Variants in UBE2H observed in about 807,000 individuals in gnomAD.
The protein encoded by UBE2H is ubiquitin-conjugating enzyme E2 H.
Under a neutral mutation model 29.0 loss-of-function variants are expected in UBE2H, and 3 were observed. The observed-to-expected ratio is 0.10, with a 90% confidence interval of 0.05 to 0.27. UBE2H has a LOEUF of 0.27. Among genes scored for constraint, UBE2H ranks in the 10% least tolerant of loss-of-function variants. UBE2H has a pLI of 1.00. For synonymous variants in UBE2H, 69 were observed against 82.9 expected (o/e 0.83, Z 0.91); for missense variants, 68 against 228.2 (o/e 0.30, Z 4.52).
At position 129,832,358 on chromosome 7, in the gene UBE2H, C is replaced by G. The variant is rs1805243442; in HGVS notation, c.*2579G>C. On this transcript the variant is annotated 3_prime_UTR_variant, in exon 7 of 7. Transcript: ENST00000355621. Reference sequence around the variant, plus strand: ...CCAGACAGGACAGACTTGCACAGAACAAGAGGGCACAGTGGGATCCATGCG... The same window carrying G: ...CCAGACAGGACAGACTTGCACAGAAGAAGAGGGCACAGTGGGATCCATGCG... 1 of 152,294 alleles carries G rather than the reference C, an allele frequency of 6.6e-6. No homozygotes were observed. The highest frequency in any genetic ancestry group is 1.5e-5 in the Non-Finnish European group (1 of 68,138). The allele number at this position is 152,294 out of a possible 1,614,324, so 9.4% of individuals were successfully genotyped here.
At chr7:129,860,799 T>C (rs923110603) in intron 3 of UBE2H, among the ~76,000 whole-genome samples, 3 of 151,984 alleles carry the variant, frequency 2.0e-5, no homozygotes, top group Non-Finnish European at 4.4e-5. Context: ...CAATTCTCCA[T>C]GGTAACAAGT....
chr7:129,922,896 ATTTTTCTTT>A (rs753440957), intron 1 of UBE2H, among the ~76,000 whole-genome samples: 14 of 151,592 alleles, frequency 9.2e-5, no homozygotes, highest in East Asian at 3.9e-4. Context: ...TGTATCTGAG[ATTTTTCTTT>A]TTTTTCTTTT....
In UBE2H at chr7:129,952,935, C is replaced by T; in HGVS notation, c.-380G>A. ...TATAAGCGGACGACTCCTGCTCAGTCGGCCTCCCTACCCCAGCCTCGCTCT... is the reference window on the plus strand; with the variant it reads ...TATAAGCGGACGACTCCTGCTCAGTTGGCCTCCCTACCCCAGCCTCGCTCT... On this transcript the variant is annotated 5_prime_UTR_variant, in exon 1 of 7. Coordinates refer to ENST00000355621, the MANE Select transcript of UBE2H (RefSeq NM_003344.4). The T allele has an allele frequency of 6.2e-6, 1 of 161,248 alleles. No individual in the cohort carries two copies. The highest frequency in any genetic ancestry group is 1.4e-5 in the Non-Finnish European group (1 of 73,962). The allele number at this position is 161,248 out of a possible 1,614,324, so 10.0% of individuals were successfully genotyped here.
chr7:129,855,530 A>C (rs1805688111), intron 5 of UBE2H, among the ~76,000 whole-genome samples: 1 of 152,198 alleles, frequency 6.6e-6, no homozygotes, highest in Non-Finnish European at 1.5e-5. Flanking sequence ...CTCTCTTGTT[A>C]AACAGTTCTG....
chr7:129,932,601 C>T (rs965627136), intron 1 of UBE2H, among the ~76,000 whole-genome samples: 13 of 151,040 alleles, frequency 8.6e-5, no homozygotes, highest in African/African-American at 3.2e-4. Flanking sequence ...AGTGAAACCC[C>T]GTCTCTACTA....
chr7:129,892,103 C>T (rs1255628205), intron 1 of UBE2H, among the ~76,000 whole-genome samples: 1 of 152,000 alleles, frequency 6.6e-6, no homozygotes, highest in East Asian at 1.9e-4. Context: ...CAGGCGCCCG[C>T]CACCAGGCCA....
intron 1 of UBE2H, among the ~76,000 whole-genome samples, chr7:129,938,485 C>T (rs1452751258): frequency 7.2e-6 from 1 of 139,324 alleles, no homozygotes; most frequent in Non-Finnish European, 1.5e-5. Context: ...AAGGCCGAGG[C>T]GGGTGGATCA....
intron 1 of UBE2H, among the ~76,000 whole-genome samples, chr7:129,938,880 C>A (rs886407581): frequency 2.6e-5 from 4 of 151,648 alleles, no homozygotes; most frequent in African/African-American, 9.7e-5. Context: ...CTCCCTGCAA[C>A]CTCCACCTCC....
At chr7:129,951,967 G>T in intron 1 of UBE2H, among the ~76,000 whole-genome samples, 1 of 152,172 alleles carries the variant, frequency 6.6e-6, no homozygotes, top group East Asian at 1.9e-4. Flanking sequence ...TAGAAGAGGG[G>T]GCCCTGAGCA....
intron 5 of UBE2H, among the ~76,000 whole-genome samples, chr7:129,842,430 CAAAT>C (rs2116274806): frequency 6.6e-6 from 1 of 152,126 alleles, no homozygotes; most frequent in South Asian, 2.1e-4. Context: ...AACCCTGTCT[CAAAT>C]AAATAAATAA....
At chr7:129,948,872 A>C (rs2116536448) in intron 1 of UBE2H, 1 of 316,654 alleles carries the variant, frequency 3.2e-6, no homozygotes, top group East Asian at 8.8e-5. Flanking sequence ...TTACCCCTCG[A>C]AAACACACTT....
chr7:129,944,193 A>G (rs2116524656), intron 1 of UBE2H, among the ~76,000 whole-genome samples: 1 of 152,102 alleles, frequency 6.6e-6, no homozygotes, highest in Admixed American at 6.6e-5. Flanking sequence ...TGTCGCTACT[A>G]AAAATACAAA....
intron 5 of UBE2H, among the ~76,000 whole-genome samples, chr7:129,852,402 G>T (rs1344542979): frequency 6.6e-6 from 1 of 151,886 alleles, no homozygotes; most frequent in Non-Finnish European, 1.5e-5. Context: ...GGGAGGCGGA[G>T]CTCGCAGTGA....
intron 3 of UBE2H, among the ~76,000 whole-genome samples, chr7:129,870,795 G>A (rs1806014581): frequency 6.6e-6 from 1 of 151,814 alleles, no homozygotes; most frequent in Non-Finnish European, 1.5e-5. Flanking sequence ...TAAAATGAAA[G>A]TCGAGCCTTT....
chr7:129,881,108 T>C, intron 1 of UBE2H, 137 bp from the exon 2 acceptor site: 1 of 627,656 alleles, frequency 1.6e-6, no homozygotes, highest in Non-Finnish European at 2.7e-6. Flanking sequence ...ATAATTCTGG[T>C]AGTTTAGGAG....
intron 1 of UBE2H, among the ~76,000 whole-genome samples, chr7:129,905,378 C>T (rs145320267): frequency 8.5e-4 from 129 of 152,208 alleles, no homozygotes; most frequent in African/African-American, 3.0e-3. Flanking sequence ...AATGCCTTCT[C>T]GAATAACCTT....
At chr7:129,880,637 T>C (rs1318834806) in intron 2 of UBE2H, among the ~76,000 whole-genome samples, 14 of 152,198 alleles carry the variant, frequency 9.2e-5, no homozygotes, top group Admixed American at 9.2e-4. Context: ...TACATGCAAA[T>C]TCTATGTCAT....
At chr7:129,900,622 A>G (rs1044149431) in intron 1 of UBE2H, among the ~76,000 whole-genome samples, 1 of 152,100 alleles carries the variant, frequency 6.6e-6, no homozygotes, top group Non-Finnish European at 1.5e-5. Context: ...TGACCATGTA[A>G]ATTTTTTTTT....
chr7:129,856,067 C>T (rs1805700113), intron 5 of UBE2H, among the ~76,000 whole-genome samples: 2 of 152,186 alleles, frequency 1.3e-5, no homozygotes, highest in South Asian at 2.1e-4. Flanking sequence ...GGGGGAATAT[C>T]CCAGGTAGAG....
Sources: gnomAD v4.1 joint callset for allele counts (sites outside exome capture counted in the v4.1 genomes callset) on GRCh38, gnomAD v4.1.1 for gene constraint, MANE v1.5 for transcripts, NCBI Gene and HGNC (gene_info 2026-07-23, HGNC 2026-07-21) for gene names.